The following DNAH1 variants were observed in gnomAD, a reference collection of about 807,000 sequenced individuals.
DNAH1 encodes axonemal beta dynein heavy chain 1.
In DNAH1, 327 loss-of-function variants were observed where a neutral mutation model predicts 484.3. That is an observed-to-expected ratio of 0.68 (90% CI 0.62 to 0.74). The LOEUF (loss-of-function observed/expected upper bound fraction) is 0.74, where lower values mean the gene tolerates loss of function less well. Among genes scored for constraint, DNAH1 ranks in the 30% least tolerant of loss-of-function variants. The probability of loss-of-function intolerance (pLI) is 0.00; values close to 1 mark genes in which losing one functional copy is unlikely to be tolerated. For synonymous variants in DNAH1, 2,192 were observed against 2,191.9 expected (o/e 1.00, Z 0.00); for missense variants, 5,052 against 5,546.8 (o/e 0.91, Z 2.83).
chr3:52,400,055 A>G (rs984953684), intron 77 of DNAH1, among the ~76,000 whole-genome samples: 21 of 152,208 alleles, frequency 1.4e-4, no homozygotes, highest in Non-Finnish European at 2.6e-4. Flanking sequence ...TCAGAGGGGT[A>G]ACTGAGGCCC....
chr3:52,324,001 G>A (rs968540294), intron 3 of DNAH1, 121 bp downstream of exon 3: 4 of 725,288 alleles, frequency 5.5e-6, no homozygotes, highest in African/African-American at 5.3e-5. Context: ...GTGGAGCGGG[G>A]ATAATAAGAA....
At position 52,391,276 on chromosome 3, in the gene DNAH1, A is replaced by T. The variant is rs1325522522; in HGVS notation, c.9839A>T (p.Glu3280Val). 6.2e-7 allele frequency: 1 copy of T among 1,613,374 alleles called. No individual in the cohort carries two copies. Among genetic ancestry groups the T allele is most frequent in the African/African-American group, 1.3e-5 (1 of 74,924 alleles). Reference sequence around the variant, plus strand: ...CGCTTTGGCAAGCCATGTCTCCTGGAGAACGTGGGCGAGGAGCTAGACCCA... The same window carrying T: ...CGCTTTGGCAAGCCATGTCTCCTGGTGAACGTGGGCGAGGAGCTAGACCCA... ...AIRFGKPCLL[E>V]NVGEELDPAL... Residue 3280 changes from glutamate (E) to valine (V), a missense_variant, in exon 62 of 78, where the codon GAG becomes GTG. Transcript: ENST00000420323.
rs746498969 is a variant in DNAH1, at chr3:52,368,814, T to C, written c.5839T>C (p.Phe1947Leu). Reference protein sequence around the residue: ...TSDTNKKWYMFDGPVDAIWIE... With the variant: ...TSDTNKKWYMLDGPVDAIWIE... ...CGACACCAACAAGAAGTGGTACATGTTCGATGGGCCGGTGGATGCCATCTG... is the reference window on the plus strand; with the variant it reads ...CGACACCAACAAGAAGTGGTACATGCTCGATGGGCCGGTGGATGCCATCTG... The change falls in exon 37 of 78, where the codon TTC becomes CTC. Residue 1947 changes from phenylalanine (F) to leucine (L), a missense_variant. Coordinates refer to ENST00000420323, the MANE Select transcript of DNAH1 (RefSeq NM_015512.5). This position sits in a 1 kb window ranked among gnomAD's most constrained non-coding sequence, Gnocchi z 4.4. 6.2e-6 allele frequency: 10 copies of C among 1,613,858 alleles called. No individual in the cohort carries two copies. Among genetic ancestry groups the C allele is most frequent in the African/African-American group, 1.3e-5 (1 of 74,900 alleles).
In DNAH1 at chr3:52,395,332, A is replaced by G. The variant is rs1219579195; in HGVS notation, c.10993A>G (p.Lys3665Glu). The G allele has an allele frequency of 1.2e-6, 2 of 1,613,628 alleles. No homozygotes were observed. Among genetic ancestry groups the G allele is most frequent in the Non-Finnish European group, 1.7e-6 (2 of 1,179,818 alleles). ...GACAGCCAATCTGTCAGTGGTGTTC[A>G]AAGACTCCAACTCCACCACACCCCT... ...PQTANLSVVFKDSNSTTPLIF... is the reference protein window; with the variant it reads ...PQTANLSVVFEDSNSTTPLIF... Residue 3665 changes from lysine to glutamate, a missense_variant, in exon 69 of 78, where the codon AAA (lysine) becomes GAA (glutamate). Coordinates refer to ENST00000420323, the MANE Select transcript of DNAH1 (RefSeq NM_015512.5). The surrounding 1 kb of genome is among the most constrained non-coding windows in gnomAD (Gnocchi z 4.4).
chr3:52,332,579 T>G (rs1185958182), intron 8 of DNAH1, among the ~76,000 whole-genome samples, 185 bp downstream of exon 8: 2 of 152,208 alleles, frequency 1.3e-5, no homozygotes, highest in Non-Finnish European at 2.9e-5. Flanking sequence ...AGATCCCTCA[T>G]TATCCATATG....
intron 15 of DNAH1, 122 bp downstream of exon 15, chr3:52,350,230 C>T (rs1702318492): frequency 1.4e-6 from 2 of 1,397,040 alleles, no homozygotes; most frequent in Admixed American, 2.1e-5. Context: ...GGTAGTTGGA[C>T]AGAGGACAGA....
chr3:52,388,740 G>T, intron 58 of DNAH1, 66 bp from the exon 59 acceptor site: 3 of 1,606,522 alleles, frequency 1.9e-6, no homozygotes, highest in South Asian at 1.1e-5. Context: ...TGCCACAGTG[G>T]GTAGGGCCAG....
intron 77 of DNAH1, among the ~76,000 whole-genome samples, 162 bp downstream of exon 77, chr3:52,399,941 G>A (rs553777061): frequency 5.9e-5 from 9 of 152,328 alleles, no homozygotes; most frequent in South Asian, 2.1e-4. Context: ...AAGGCCTGCC[G>A]TCTGGCTGTG....
chr3:52,362,775 G>A lies in DNAH1; in HGVS notation c.5095-220G>A, dbSNP rs1352930075. 6.6e-6 allele frequency among the ~76,000 whole-genome samples: 1 copy of A among 152,188 alleles called. No homozygotes were observed. Among genetic ancestry groups the A allele is most frequent in the Admixed American group, 6.5e-5 (1 of 15,280 alleles). On this transcript the variant is annotated intron_variant, in intron 31 of 77. Coordinates refer to ENST00000420323, the MANE Select transcript of DNAH1 (RefSeq NM_015512.5). This position sits in a 1 kb window ranked among gnomAD's most constrained non-coding sequence, Gnocchi z 5.1. ...GGAGAAACAGGAAAACAGGAGCCAAGAGGGGCATCTCCTGGGAGTCATGTG... is the reference window on the plus strand; with the variant it reads ...GGAGAAACAGGAAAACAGGAGCCAAAAGGGGCATCTCCTGGGAGTCATGTG...
At chr3:52,326,684 C>T (rs1156918462) in intron 4 of DNAH1, 51 bp from the exon 5 acceptor site, 1 of 1,541,534 alleles carries the variant, frequency 6.5e-7, no homozygotes, top group Non-Finnish European at 8.8e-7. Flanking sequence ...CCCATGGAGC[C>T]ACCTCACACG....
Position 52,369,866 on chromosome 3 carries a change from T to G in DNAH1, c.5985T>G (p.Ala1995=), listed in dbSNP as rs370203067. ...MMFEVQDLAV[A]SPATVSRCGM... ...TCGAGGTGCAAGACCTGGCGGTGGC[T>G]TCACCAGCTACAGTCTCCCGCTGTG... Residue 1995 remains alanine (A), a synonymous_variant, in exon 38 of 78, where the codon GCT becomes GCG. Transcript: ENST00000420323. 5.5e-5 allele frequency: 88 copies of G among 1,612,884 alleles called. No individual in the cohort carries two copies. Among genetic ancestry groups the G allele is most frequent in the Non-Finnish European group, 7.0e-5 (82 of 1,179,144 alleles).
At position 52,358,667 on chromosome 3, in the gene DNAH1, G is replaced by A. The variant is rs759559144; in HGVS notation, c.4196G>A (p.Arg1399Gln). 9.3e-6 allele frequency: 15 copies of A among 1,613,026 alleles called. No homozygotes were observed. The highest frequency in any genetic ancestry group is 1.6e-4 in the Middle Eastern group (1 of 6,076). ...TCCAGCAACGTGGAGGACTGGCTGC[G>A]GGAGGTGGAGCGCAGCATGAAGGCC... ...YPSSNVEDWLREVERSMKASV... is the reference protein window; with the variant it reads ...YPSSNVEDWLQEVERSMKASV... The change falls in exon 25 of 78, where the codon CGG becomes CAG. Residue 1399 changes from arginine to glutamine, a missense_variant. Physicochemically the swap from Arg to Gln is conservative, Grantham distance 43. Coordinates refer to ENST00000420323, the MANE Select transcript of DNAH1 (RefSeq NM_015512.5). The surrounding 1 kb of genome is among the most constrained non-coding windows in gnomAD (Gnocchi z 4.2).
chr3:52,397,577 T>C, intron 73 of DNAH1, 130 bp from the exon 74 acceptor site: 1 of 844,504 alleles, frequency 1.2e-6, no homozygotes, highest in Non-Finnish European at 1.8e-6. Flanking sequence ...AGCAGGGACA[T>C]GCATAAGGGT....
In DNAH1 at chr3:52,363,059, A is replaced by G. The variant is rs1198498002; in HGVS notation, c.5159A>G (p.Tyr1720Cys). Residue 1720 changes from tyrosine to cysteine, a missense_variant, in exon 32 of 78, where the codon TAT becomes TGT. Physicochemically the swap from Tyr to Cys is radical, Grantham distance 194. This residue lies in a region of DNAH1 where 2,929 missense variants were observed against 3,409.4 expected (regional missense o/e 0.86). Transcript: ENST00000420323. Reference sequence around the variant, plus strand: ...GCCATGATCACTGAGATCTCCCTCTATTCCTTTGGCTTTAATGAGGCCAGT... The same window carrying G: ...GCCATGATCACTGAGATCTCCCTCTGTTCCTTTGGCTTTAATGAGGCCAGT... ...DYAMITEISL[Y>C]SFGFNEASVL... 3 of 1,613,968 alleles carry G rather than the reference A, an allele frequency of 1.9e-6. No homozygotes were observed. The highest frequency in any genetic ancestry group is 2.5e-6 in the Non-Finnish European group (3 of 1,179,854).
In DNAH1 at chr3:52,378,629, C is replaced by T. The variant is rs770649051; in HGVS notation, c.7226C>T (p.Thr2409Met). 8.1e-6 allele frequency: 13 copies of T among 1,613,438 alleles called. No individual in the cohort carries two copies. Among genetic ancestry groups the T allele is most frequent in the South Asian group, 3.3e-5 (3 of 91,076 alleles). Residue 2409 changes from threonine to methionine, a missense_variant, in exon 47 of 78, where the codon ACG becomes ATG. Thr to Met is a moderately conservative substitution (Grantham distance 81, BLOSUM62 -1). Coordinates refer to ENST00000420323, the MANE Select transcript of DNAH1 (RefSeq NM_015512.5). Reference sequence around the variant, plus strand: ...GGGGCCCCCCACATTGCCCACTTCACGGAGCCCCTTGTGGAAGCCACCATC... The same window carrying T: ...GGGGCCCCCCACATTGCCCACTTCATGGAGCCCCTTGTGGAAGCCACCATC... ...VPGAPHIAHF[T>M]EPLVEATIMV... is the part of the protein sequence containing the mutation.
intron 21 of DNAH1, 85 bp from the exon 22 acceptor site, chr3:52,356,529 G>C: frequency 7.1e-7 from 1 of 1,416,402 alleles, no homozygotes; most frequent in South Asian, 1.3e-5. Context: ...TGCTGGTGGG[G>C]TGAAATGTCC....
At position 52,394,488 on chromosome 3, in the gene DNAH1, T is replaced by C. The variant is rs2153225681; in HGVS notation, c.10650T>C (p.Ser3550=). 1 of 1,613,964 alleles carries C rather than the reference T, an allele frequency of 6.2e-7. No individual in the cohort carries two copies. Among genetic ancestry groups the C allele is most frequent in the South Asian group, 1.1e-5 (1 of 91,090 alleles). ...INQSEWRYLL[S]GGSISIMTEN... Reference sequence around the variant, plus strand: ...AGAGTGAGTGGCGATACCTCCTGTCTGGGGGCTCCATCTCGATCATGACTG... The same window carrying C: ...AGAGTGAGTGGCGATACCTCCTGTCCGGGGGCTCCATCTCGATCATGACTG... The change falls in exon 67 of 78, where the codon TCT becomes TCC. Residue 3550 remains serine, a synonymous_variant. Coordinates refer to ENST00000420323, the MANE Select transcript of DNAH1 (RefSeq NM_015512.5).
In DNAH1 at chr3:52,350,084, C is replaced by T; in HGVS notation, c.2622C>T (p.Ile874=). Residue 874 remains isoleucine (I), a synonymous_variant, in exon 15 of 78, where the codon ATC becomes ATT. Coordinates refer to ENST00000420323, the MANE Select transcript of DNAH1 (RefSeq NM_015512.5). The part of the protein sequence containing the change: ...LAELREWMKG[I]PERLVGLEER... ...AGCTGCGAGAGTGGATGAAGGGCAT[C>T]CCGGAGAGGCTGGTGGGCCTGGAGG... The T allele has an allele frequency of 1.2e-6, 2 of 1,612,436 alleles. No individual in the cohort carries two copies. The highest frequency in any genetic ancestry group is 1.7e-6 in the Non-Finnish European group (2 of 1,179,654).
At position 52,316,426 on chromosome 3, in the gene DNAH1, C is replaced by G. The variant is rs1028809749; in HGVS notation, c.-154C>G. 2.0e-5 allele frequency: 3 copies of G among 152,316 alleles called. No individual in the cohort carries two copies. The highest frequency in any genetic ancestry group is 7.2e-5 in the African/African-American group (3 of 41,456). The allele number at this position is 152,316 out of a possible 1,614,324, so 9.4% of individuals were successfully genotyped here. A position where few individuals can be genotyped will look rare whatever the true frequency, so the allele number is the denominator to read the frequency against. On this transcript the variant is annotated 5_prime_UTR_variant, in exon 1 of 78. Transcript: ENST00000420323. ...AGCTGTGGACACCTTGCCTCCAGTTCCCCTCACAGTCCTTTCTTCCTTCTG... is the reference window on the plus strand; with the variant it reads ...AGCTGTGGACACCTTGCCTCCAGTTGCCCTCACAGTCCTTTCTTCCTTCTG...
Sources: allele counts gnomAD v4.1 joint callset (sites outside exome capture counted in the v4.1 genomes callset), GRCh38; gene constraint gnomAD v4.1.1; regional missense constraint gnomAD v4.1.1; non-coding constraint Gnocchi (gnomAD v3.1); transcripts MANE v1.5; gene names NCBI Gene and HGNC (gene_info 2026-07-23, HGNC 2026-07-21).